Variants in EIF2D observed in about 807,000 individuals in gnomAD.
EIF2D encodes the protein hepatocellular carcinoma-associated antigen 56.
A neutral mutation model predicts 77.4 loss-of-function variants in EIF2D; 56 were observed. That is an observed-to-expected ratio of 0.72 (90% confidence interval 0.58 to 0.90). EIF2D has a LOEUF of 0.90. Ranked by LOEUF, EIF2D falls within the 40% of genes least tolerant of loss-of-function variation. The probability of loss-of-function intolerance (pLI) is 0.00; values close to 1 mark genes in which losing one functional copy is unlikely to be tolerated. For synonymous variants in EIF2D, 230 were observed against 271.0 expected (o/e 0.85, Z 1.49); for missense variants, 574 against 706.5 (o/e 0.81, Z 2.13).
rs1553414282 is a variant in EIF2D, at chr1:206,612,385, A to T, written c.-43T>A. 2 of 1,613,462 alleles carry T rather than the reference A, an allele frequency of 1.2e-6. No individual in the cohort carries two copies. The highest frequency in any genetic ancestry group is 3.3e-5 in the Admixed American group (2 of 60,004). On this transcript the variant is annotated 5_prime_UTR_variant, in exon 1 of 15. Transcript: ENST00000271764. ...GGGGAAGAGAGCACAGAAGCCAGGG[A>T]ATGTCAAGAAAGCGAGGGCGCAGCA...
chr1:206,589,834 A>T (rs949672538), downstream of EIF2D, among the ~76,000 whole-genome samples: 1 of 152,200 alleles, frequency 6.6e-6, no homozygotes, highest in Non-Finnish European at 1.5e-5. Flanking sequence ...GCCTTCCAGT[A>T]TTGATCACAT....
At chr1:206,597,412 A>C (rs1291144302) in intron 11 of EIF2D, among the ~76,000 whole-genome samples, 1 of 152,246 alleles carries the variant, frequency 6.6e-6, no homozygotes, top group South Asian at 2.1e-4. Context: ...AGATGGGATA[A>C]ATTTGAAGAT....
chr1:206,611,235 T>G lies in EIF2D; in HGVS notation c.196A>C (p.Ser66Arg), dbSNP rs541069026. Reference sequence around the variant, plus strand: ...TCAAAGAGGATGGGGTTACCACCACTCACGTACACAGTCACTGCATCCCCT... The same window carrying G: ...TCAAAGAGGATGGGGTTACCACCACGCACGTACACAGTCACTGCATCCCCT... ...HKGDAVTVYV[S>R]GGNPILFELE... Residue 66 changes from serine to arginine, a missense_variant, in exon 2 of 15, where the codon AGT becomes CGT. By Grantham distance (110) the Ser-to-Arg change is moderately radical (BLOSUM62 -1). Transcript: ENST00000271764. The G allele has an allele frequency of 1.9e-6, 3 of 1,614,194 alleles. No homozygotes were observed. The highest frequency in any genetic ancestry group is 4.5e-5 in the East Asian group (2 of 44,886).
chr1:206,590,781 A>G (rs1040550677), downstream of EIF2D, among the ~76,000 whole-genome samples: 3 of 152,204 alleles, frequency 2.0e-5, no homozygotes, highest in Non-Finnish European at 4.4e-5. Context: ...AGTTTGAGAA[A>G]AACTGAGAAG....
intron 4 of EIF2D, chr1:206,580,570 C>G (rs932667654): frequency 2.6e-5 from 4 of 152,160 alleles, no homozygotes; most frequent in African/African-American, 9.7e-5. Flanking sequence ...GGATGGGGAG[C>G]TCTGGGAGCT....
At chr1:206,605,611 A>G (rs1428058171) in intron 4 of EIF2D, 104 bp from the exon 5 acceptor site, 1 of 947,958 alleles carries the variant, frequency 1.1e-6, no homozygotes, top group Admixed American at 2.1e-5. Context: ...AAGGTTACCA[A>G]TTCGAAGGTC....
At position 206,603,038 on chromosome 1, in the gene EIF2D, G is replaced by A. The variant is rs782024768; in HGVS notation, c.697C>T (p.Arg233Cys). The change falls in exon 6 of 15, where the codon CGT (arginine) becomes TGT (cysteine). Residue 233 changes from arginine to cysteine, a missense_variant. Arg to Cys is a radical substitution (Grantham distance 180, BLOSUM62 -3). Transcript: ENST00000271764. ...GCTTCTGAGAGAGACTTGTCTTCAC[G>A]TGCCTGGTGAACCTCCCCATTCTCC... Reference protein sequence around the residue: ...EEENGEVHQAREDKSLSEAPE... With the variant: ...EEENGEVHQACEDKSLSEAPE... 6.2e-6 allele frequency: 10 copies of A among 1,614,000 alleles called. No homozygotes were observed. The highest frequency in any genetic ancestry group is 2.2e-5 in the East Asian group (1 of 44,890).
intron 5 of EIF2D, chr1:206,604,807 C>A (rs1670109920): frequency 6.6e-6 from 1 of 151,810 alleles, no homozygotes; most frequent in South Asian, 2.1e-4. Context: ...TACCAACAGG[C>A]CACAATACTT....
chr1:206,610,297 T>C (rs1670407478), intron 2 of EIF2D, among the ~76,000 whole-genome samples: 1 of 152,144 alleles, frequency 6.6e-6, no homozygotes, highest in Non-Finnish European at 1.5e-5. Context: ...GGCAGGAAAA[T>C]CACTTGAGCT....
At chr1:206,605,539 T>A (rs1321606714) in intron 4 of EIF2D, 32 bp from the exon 5 acceptor site, 2 of 1,582,940 alleles carry the variant, frequency 1.3e-6, no homozygotes, top group Admixed American at 1.7e-5. Flanking sequence ...ACCAGGGTCA[T>A]GGAAAATCTA....
chr1:206,575,778 A>AGC (rs1668618109), intron 4 of EIF2D, among the ~76,000 whole-genome samples: 1 of 152,380 alleles, frequency 6.6e-6, no homozygotes, highest in Admixed American at 6.5e-5. Context: ...GAGGGGAAGT[A>AGC]GCTCCCCAGA....
chr1:206,602,424 A>G lies in EIF2D; in HGVS notation c.814T>C (p.Phe272Leu). The change falls in exon 7 of 15, where the codon TTC (phenylalanine) becomes CTC (leucine). Residue 272 changes from phenylalanine (F) to leucine (L), a missense_variant. Phe to Leu is a conservative substitution (Grantham distance 22). Coordinates refer to ENST00000271764, the MANE Select transcript of EIF2D (RefSeq NM_006893.3). ...ACTCGGCACTTCAAGGCATGTAAGAAGCATTGCTGTAACAGCTCATCCATT... is the reference window on the plus strand; with the variant it reads ...ACTCGGCACTTCAAGGCATGTAAGAGGCATTGCTGTAACAGCTCATCCATT... ...EQMDELLQQCFLHALKCRVKK... is the reference protein window; with the variant it reads ...EQMDELLQQCLLHALKCRVKK... 1 of 1,614,258 alleles carries G rather than the reference A, an allele frequency of 6.2e-7. No individual in the cohort carries two copies. Among genetic ancestry groups the G allele is most frequent in the Non-Finnish European group, 8.5e-7 (1 of 1,180,034 alleles).
At chr1:206,603,630 G>A (rs1180874914) in intron 5 of EIF2D, 9 of 166,910 alleles carry the variant, frequency 5.4e-5, no homozygotes, top group Non-Finnish European at 9.2e-5. Flanking sequence ...GCAAACCCAC[G>A]GCTCAGCATA....
chr1:206,570,863 C>T (rs10779478), downstream of EIF2D, among the ~76,000 whole-genome samples: 84,110 of 151,954 alleles, frequency 0.55, 23,500 homozygotes, highest in Middle Eastern at 0.68. Context: ...TTTTTGGCTA[C>T]TGTGAATCGT....
At chr1:206,611,961 G>A (rs1387560831) in intron 1 of EIF2D, among the ~76,000 whole-genome samples, 1 of 152,052 alleles carries the variant, frequency 6.6e-6, no homozygotes, top group Non-Finnish European at 1.5e-5. Flanking sequence ...TCTCCCAAGG[G>A]GCATTAAGCT....
downstream of EIF2D, chr1:206,588,842 C>T (rs1304258442): frequency 6.5e-6 from 1 of 152,732 alleles, no homozygotes; most frequent in African/African-American, 2.4e-5. Context: ...CATTTTCCTT[C>T]GTCCTGCATG....
At position 206,611,180 on chromosome 1, in the gene EIF2D, A is replaced by G. The variant is rs782708574; in HGVS notation, c.247+4T>C. On this transcript the variant is annotated splice_donor_region_variant and intron_variant, in intron 2 of 14. Coordinates refer to ENST00000271764, the MANE Select transcript of EIF2D (RefSeq NM_006893.3). ...TAATGGCCATCTTCGTCCTGTTGTC[A>G]TACCTGTTGGATACAGATTTTTCTC... is the stretch of plus-strand genomic sequence containing the variant. The G allele has an allele frequency of 4.3e-6, 7 of 1,609,860 alleles. No individual in the cohort carries two copies. The South Asian group carries it at 5.5e-5, about 13-fold the overall frequency.
At chr1:206,603,300 G>A in intron 5 of EIF2D, 96 bp from the exon 6 acceptor site, 2 of 1,515,086 alleles carry the variant, frequency 1.3e-6, no homozygotes, top group South Asian at 1.3e-5. Flanking sequence ...AGACAGCAGA[G>A]AGCCAACAGG....
chr1:206,586,617 C>CCAA, intron 2 of EIF2D: 1 of 548,364 alleles, frequency 1.8e-6, no homozygotes, highest in Non-Finnish European at 3.3e-6. Context: ...AACTCTTGGT[C>CCAA]ATGAGATGCC....
Sources: gnomAD v4.1 joint callset for allele counts (sites outside exome capture counted in the v4.1 genomes callset) on GRCh38, gnomAD v4.1.1 for gene constraint, MANE v1.5 for transcripts, NCBI Gene and HGNC (gene_info 2026-07-23, HGNC 2026-07-21) for gene names.